GTF2B: variants seen among roughly 807,000 people sequenced by gnomAD.
GTF2B encodes the protein transcription initiation factor IIB.
In GTF2B, 20 loss-of-function variants were observed where a neutral mutation model predicts 34.6. The observed-to-expected ratio is 0.58, with a 90% CI of 0.41 to 0.84. The LOEUF is 0.84. GTF2B is among the 40% of genes least tolerant of loss of function. GTF2B has a pLI of 0.00. For missense variants in GTF2B, 237 were observed against 393.3 expected (o/e 0.60, Z 3.36); for synonymous variants, 142 against 132.4 (o/e 1.07, Z -0.50).
At position 88,874,930 on chromosome 1, in the gene GTF2B, T is replaced by TA. The variant is rs56771486; in HGVS notation, c.125-10817dup. 9.9e-3 allele frequency among the ~76,000 whole-genome samples: 1,448 copies of TA among 146,066 alleles called. 20 individuals are homozygous for TA. The highest frequency in any genetic ancestry group is 0.027 in the African/African-American group (1,094 of 40,448). ...ACATCAAATATTTTTACATTTAAAG[T>TA]AAAAAAAAAAAATCCAAGGTACTTT... On this transcript the variant is annotated intron_variant, in intron 2 of 6. Transcript: ENST00000370500.
At chr1:88,881,645 T>A (rs1420367943) in intron 2 of GTF2B, among the ~76,000 whole-genome samples, 2 of 152,176 alleles carry the variant, frequency 1.3e-5, no homozygotes, top group African/African-American at 4.8e-5. Flanking sequence ...ACCACAAATA[T>A]CTATGAATGA....
Position 88,859,966 on chromosome 1 carries a change from G to C in GTF2B, c.451C>G (p.Leu151Val). 1.2e-6 allele frequency: 2 copies of C among 1,613,426 alleles called. No homozygotes were observed. Among genetic ancestry groups the C allele is most frequent in the Non-Finnish European group, 1.7e-6 (2 of 1,179,432 alleles). ...ATAGCATCATTAGCTCTTCCCTTCA[G>C]GCTCTTCTGTTCATATACTTGCTTG... is the stretch of plus-strand genomic sequence containing the variant. ...LFKQVYEQKS[L>V]KGRANDAIAS... The change falls in exon 5 of 7, where the codon CTG becomes GTG. Residue 151 changes from leucine to valine, a missense_variant. Transcript: ENST00000370500.
chr1:88,861,172 A>C (rs1673432949), intron 3 of GTF2B, among the ~76,000 whole-genome samples: 1 of 150,874 alleles, frequency 6.6e-6, no homozygotes, highest in African/African-American at 2.5e-5. Context: ...ACAACAACAA[A>C]AATCTTGAAA....
At chr1:88,856,276 AAAAAAAAAAAAAAAC>A (rs1389502168) in intron 6 of GTF2B, among the ~76,000 whole-genome samples, 67 of 127,956 alleles carry the variant, frequency 5.2e-4, no homozygotes, top group Middle Eastern at 3.7e-3. Flanking sequence ...CAAAAACAAA[AAAAAAAAAAAAAAAC>A]AAAAAAAAAA....
intron 1 of GTF2B, among the ~76,000 whole-genome samples, chr1:88,889,701 G>A (rs1322772979): frequency 6.6e-6 from 1 of 152,132 alleles, no homozygotes. Context: ...ACCTTCCTGA[G>A]GGAAAAACAT....
chr1:88,855,359 G>GTTTTTTTT (rs750561898), intron 6 of GTF2B, among the ~76,000 whole-genome samples: 13 of 124,176 alleles, frequency 1.0e-4, no homozygotes, highest in East Asian at 2.3e-4. Flanking sequence ...TTCTGTTTTT[G>GTTTTTTTT]TTTTTTTTTT....
intron 3 of GTF2B, among the ~76,000 whole-genome samples, chr1:88,861,744 G>GTAAA (rs1401651715): frequency 6.6e-6 from 1 of 152,158 alleles, no homozygotes; most frequent in South Asian, 2.1e-4. Flanking sequence ...AGGCAGGAGG[G>GTAAA]TTACCTAAGC....
intron 2 of GTF2B, among the ~76,000 whole-genome samples, chr1:88,884,313 G>A (rs372516758): frequency 7.2e-5 from 11 of 152,096 alleles, no homozygotes; most frequent in Admixed American, 1.3e-4. Flanking sequence ...GGCGTAAGCC[G>A]CTGCACCTCG....
intron 2 of GTF2B, among the ~76,000 whole-genome samples, chr1:88,870,945 A>G (rs1673678891): frequency 1.6e-5 from 2 of 125,002 alleles, no homozygotes; most frequent in African/African-American, 6.3e-5. Context: ...TCAGTCACCC[A>G]GGCTGGAGCG....
intron 2 of GTF2B, among the ~76,000 whole-genome samples, chr1:88,885,081 G>A (rs903118094): frequency 1.3e-5 from 2 of 152,226 alleles, no homozygotes; most frequent in Non-Finnish European, 1.5e-5. Flanking sequence ...CTCTGCTGTT[G>A]TAATGTGAAA....
Position 88,867,311 on chromosome 1 carries a change from T to C in GTF2B, c.125-3197A>G, listed in dbSNP as rs1186807081. 3.9e-5 allele frequency among the ~76,000 whole-genome samples: 6 copies of C among 152,246 alleles called. No individual in the cohort carries two copies. The South Asian group carries it at 1.2e-3, about 32-fold the overall frequency. On this transcript the variant is annotated intron_variant, in intron 2 of 6. Coordinates refer to ENST00000370500, the MANE Select transcript of GTF2B (RefSeq NM_001514.6). ...TCCTAAAATTTAGATACTGTGCCTGTTTCATGACAAGCTCTTTTCATTAAA... is the reference window on the plus strand; with the variant it reads ...TCCTAAAATTTAGATACTGTGCCTGCTTCATGACAAGCTCTTTTCATTAAA...
intron 1 of GTF2B, 40 bp downstream of exon 1, chr1:88,891,443 C>T: frequency 1.3e-6 from 2 of 1,571,358 alleles, no homozygotes; most frequent in Non-Finnish European, 1.7e-6. Flanking sequence ...GGCGCTCGCG[C>T]CCGCCCCTCA....
chr1:88,859,834 TCAAACAAACAAA>T, intron 5 of GTF2B, 36 bp downstream of exon 5: 1 of 1,571,238 alleles, frequency 6.4e-7, no homozygotes. Context: ...AGACCCTATC[TCAAACAAACAAA>T]CAAACAAACA....
At chr1:88,857,914 T>G (rs886930321) in intron 5 of GTF2B, among the ~76,000 whole-genome samples, 4 of 151,932 alleles carry the variant, frequency 2.6e-5, no homozygotes, top group Non-Finnish European at 5.9e-5. Flanking sequence ...ACTCCTGACC[T>G]CAGGTGATCC....
At chr1:88,871,502 C>A (rs1191404350) in intron 2 of GTF2B, among the ~76,000 whole-genome samples, 1 of 152,240 alleles carries the variant, frequency 6.6e-6, no homozygotes, top group African/African-American at 2.4e-5. Context: ...ATAATGGCTT[C>A]TGACCAAAAG....
chr1:88,874,496 AATT>A lies in GTF2B; in HGVS notation c.125-10385_125-10383del, dbSNP rs1374665170. On this transcript the variant is annotated intron_variant, in intron 2 of 6. Transcript: ENST00000370500. ...TTGCGCCACCACACACAGCTAATTA[AATT>A]TTTTTTTTTTTTTTTTTTTTTTTTT... is the stretch of plus-strand genomic sequence containing the variant. Among the ~76,000 whole-genome samples, 564 of 102,798 alleles carry A rather than the reference AATT, an allele frequency of 5.5e-3. 15 individuals are homozygous for A. Among genetic ancestry groups the A allele is most frequent in the African/African-American group, 0.018 (530 of 29,124 alleles). 67.4% of individuals were successfully genotyped at this position (102,798 alleles called of 152,430 possible).
At chr1:88,874,233 T>C (rs924848051) in intron 2 of GTF2B, among the ~76,000 whole-genome samples, 7 of 151,748 alleles carry the variant, frequency 4.6e-5, no homozygotes, top group African/African-American at 1.5e-4. Context: ...CTGAGGAGGG[T>C]CTGATTTTCT....
intron 2 of GTF2B, among the ~76,000 whole-genome samples, chr1:88,881,720 G>C (rs930810203): frequency 1.3e-5 from 2 of 152,166 alleles, no homozygotes; most frequent in African/African-American, 2.4e-5. Context: ...GTATCAAAAA[G>C]AAATACTGTC....
At chr1:88,891,364 G>T in intron 1 of GTF2B, 119 bp downstream of exon 1, 1 of 697,878 alleles carries the variant, frequency 1.4e-6, no homozygotes, top group Non-Finnish European at 2.4e-6. Flanking sequence ...GGCCAGTCCC[G>T]CCGCTTCTCT....
Sources: allele counts gnomAD v4.1 joint callset (sites outside exome capture counted in the v4.1 genomes callset), GRCh38; gene constraint gnomAD v4.1.1; transcripts MANE v1.5; gene names NCBI Gene and HGNC (gene_info 2026-07-23, HGNC 2026-07-21).